The following KLHL1 variants were observed in gnomAD, a reference collection of about 807,000 sequenced individuals.
KLHL1 encodes the protein kelch-like protein 1.
KLHL1 carries 47 observed loss-of-function variants against 77.7 expected under a neutral mutation model. The observed-to-expected ratio is 0.60, with a 90% confidence interval of 0.48 to 0.77. The LOEUF is 0.77. Ranked by LOEUF, KLHL1 falls within the 30% of genes least tolerant of loss-of-function variation. The pLI, the probability that KLHL1 is intolerant of heterozygous loss-of-function variation, is 0.00. For missense variants in KLHL1, 925 were observed against 910.8 expected, an observed-to-expected ratio of 1.02 and a Z score of -0.20; for synonymous variants, 360 against 325.2, an observed-to-expected ratio of 1.11 and a Z score of -1.15.
chr13:70,016,387 G>A (rs1261528543), intron 1 of KLHL1, among the ~76,000 whole-genome samples: 2 of 152,226 alleles, frequency 1.3e-5, no homozygotes, highest in African/African-American at 4.8e-5. Context: ...CAGGACGAGG[G>A]AATCCATGCA....
intron 9 of KLHL1, among the ~76,000 whole-genome samples, chr13:69,710,284 C>A (rs1259914864): frequency 6.6e-6 from 1 of 151,682 alleles, no homozygotes; most frequent in African/African-American, 2.4e-5. Flanking sequence ...GAAATATATA[C>A]ATATATATTT....
chr13:69,848,219 G>A (rs1879546254), intron 5 of KLHL1, among the ~76,000 whole-genome samples: 1 of 151,468 alleles, frequency 6.6e-6, no homozygotes, highest in Admixed American at 6.6e-5. Flanking sequence ...GACATACAGA[G>A]AGAAAAATGG....
In KLHL1 at chr13:69,958,798, A is replaced by AT. The variant is rs534540106; in HGVS notation, c.817+2509dup. ...CTTTTACATCTATTCCCACTCATTCATTTTTTTTCCTGTTTTCTGGAATAT... is the reference window on the plus strand; with the variant it reads ...CTTTTACATCTATTCCCACTCATTCATTTTTTTTTCCTGTTTTCTGGAATAT... On this transcript the variant is annotated intron_variant, in intron 3 of 10. Coordinates refer to ENST00000377844, the MANE Select transcript of KLHL1 (RefSeq NM_020866.3). Among the ~76,000 whole-genome samples the AT allele has an allele frequency of 1.4e-3, 211 of 151,382 alleles. 1 individual carries two copies. Among genetic ancestry groups the AT allele is most frequent in the African/African-American group, 4.6e-3 (190 of 41,324 alleles).
Position 69,889,757 on chromosome 13 carries a change from A to G in KLHL1, c.1015-7262T>C, listed in dbSNP as rs184368272. 3.3e-5 allele frequency among the ~76,000 whole-genome samples: 5 copies of G among 152,130 alleles called. 1 individual carries two copies. The East Asian group carries it at 9.6e-4, about 29-fold the overall frequency. ...CTGGGTTTCTTGTATGTAAATGAGG[A>G]TGAAAATAGCATCCATGATAATGCA... On this transcript the variant is annotated intron_variant, in intron 4 of 10. Coordinates refer to ENST00000377844, the MANE Select transcript of KLHL1 (RefSeq NM_020866.3).
chr13:69,823,809 T>C (rs917194889), intron 6 of KLHL1, among the ~76,000 whole-genome samples: 1 of 152,008 alleles, frequency 6.6e-6, no homozygotes, highest in African/African-American at 2.4e-5. Context: ...CTGTAATCAT[T>C]GAAATTTTTT....
chr13:69,959,668 T>C (rs1884004943), intron 3 of KLHL1, among the ~76,000 whole-genome samples: 1 of 149,790 alleles, frequency 6.7e-6, no homozygotes, highest in African/African-American at 2.5e-5. Flanking sequence ...CTTTTTTTTT[T>C]CCCCCCAAAG....
intron 1 of KLHL1, among the ~76,000 whole-genome samples, chr13:70,019,923 A>G (rs1885748203): frequency 1.3e-5 from 2 of 152,134 alleles, no homozygotes; most frequent in Admixed American, 6.6e-5. Flanking sequence ...ATCCTTTCAT[A>G]AAAAGGACTT....
intron 7 of KLHL1, among the ~76,000 whole-genome samples, chr13:69,748,156 T>C (rs2137942784): frequency 6.6e-6 from 1 of 152,106 alleles, no homozygotes; most frequent in African/African-American, 2.4e-5. Context: ...GTATTGCCAG[T>C]GAGACTATCA....
At chr13:69,917,061 G>C (rs1371751376) in intron 4 of KLHL1, among the ~76,000 whole-genome samples, 1 of 152,044 alleles carries the variant, frequency 6.6e-6, no homozygotes, top group African/African-American at 2.4e-5. Flanking sequence ...ATGTGTACGT[G>C]TAAGTGTATT....
At chr13:70,068,266 G>A (rs868443294) in intron 1 of KLHL1, among the ~76,000 whole-genome samples, 2 of 151,938 alleles carry the variant, frequency 1.3e-5, no homozygotes, top group Admixed American at 6.6e-5. Flanking sequence ...GCGTGAACCC[G>A]GGAGGCGGAG....
At chr13:69,845,370 T>A (rs1040957670) in intron 5 of KLHL1, among the ~76,000 whole-genome samples, 2 of 151,698 alleles carry the variant, frequency 1.3e-5, no homozygotes, top group Non-Finnish European at 3.0e-5. Context: ...AATGTACTTC[T>A]CAGAGAAGAA....
At position 69,719,580 on chromosome 13, in the gene KLHL1, A is replaced by T; in HGVS notation, c.1804T>A (p.Leu602Met). 1.2e-6 allele frequency: 2 copies of T among 1,606,780 alleles called. No homozygotes were observed. Among genetic ancestry groups the T allele is most frequent in the Non-Finnish European group, 1.7e-6 (2 of 1,175,940 alleles). ...CCATCACGACCTCCAACTGAATACA[A>T]CCTAAAAACACAATTGGAAAAATGT... ...TVGVAALNGK[L>M]YSVGGRDGSS... The change falls in exon 9 of 11, where the codon TTG becomes ATG. Residue 602 changes from leucine to methionine, a missense_variant and splice_region_variant. Physicochemically the swap from Leu to Met is conservative, Grantham distance 15. Coordinates refer to ENST00000377844, the MANE Select transcript of KLHL1 (RefSeq NM_020866.3).
intron 5 of KLHL1, among the ~76,000 whole-genome samples, chr13:69,862,197 T>C (rs898996987): frequency 6.6e-6 from 1 of 151,854 alleles, no homozygotes; most frequent in African/African-American, 2.4e-5. Context: ...ACATATATTA[T>C]AATTAGAAGA....
At chr13:69,707,852 A>G in intron 9 of KLHL1, 56 bp from the exon 10 acceptor site, 23 of 1,412,186 alleles carry the variant, frequency 1.6e-5, no homozygotes, top group Non-Finnish European at 2.1e-5. Flanking sequence ...AACTTTTACT[A>G]TAAAAATTTT....
chr13:69,773,111 C>G (rs184417465), intron 7 of KLHL1, among the ~76,000 whole-genome samples: 1 of 151,768 alleles, frequency 6.6e-6, no homozygotes, highest in African/African-American at 2.4e-5. Context: ...GCAATGTCCT[C>G]TAATGGAAGC....
chr13:69,724,541 A>AAAAC (rs960286969), intron 8 of KLHL1, among the ~76,000 whole-genome samples: 8 of 152,084 alleles, frequency 5.3e-5, no homozygotes, highest in African/African-American at 1.9e-4. Flanking sequence ...GACACCACCA[A>AAAAC]AAACAAACAA....
chr13:69,875,260 A>G (rs1880723628), intron 5 of KLHL1, among the ~76,000 whole-genome samples: 5 of 152,124 alleles, frequency 3.3e-5, no homozygotes, highest in Admixed American at 3.3e-4. Flanking sequence ...AAAAATAACT[A>G]CATATTATGT....
chr13:69,791,885 A>G (rs1876890852), intron 7 of KLHL1, among the ~76,000 whole-genome samples: 1 of 152,190 alleles, frequency 6.6e-6, no homozygotes, highest in East Asian at 1.9e-4. Flanking sequence ...AATTTTTTGG[A>G]TTTATCAATA....
intron 5 of KLHL1, among the ~76,000 whole-genome samples, chr13:69,851,967 T>C (rs3012108): frequency 0.94 from 142,064 of 151,922 alleles, 66,653 homozygotes; most frequent in East Asian, 0.99. Context: ...CTGTATTAGC[T>C]AAATGGGGTC....
Sources: gnomAD v4.1 joint callset for allele counts (sites outside exome capture counted in the v4.1 genomes callset) on GRCh38, gnomAD v4.1.1 for gene constraint, MANE v1.5 for transcripts, NCBI Gene and HGNC (gene_info 2026-07-23, HGNC 2026-07-21) for gene names.